PAH: variants seen among roughly 807,000 people sequenced by gnomAD.
PAH encodes the protein phenylalanine hydroxylase.
PAH carries 64 observed loss-of-function variants against 62.0 expected under a neutral mutation model. The observed-to-expected ratio is 1.03, with a 90% confidence interval of 0.84 to 1.27. The LOEUF (loss-of-function observed/expected upper bound fraction) is 1.27. PAH is among the 50% of genes most tolerant of loss of function. The pLI, the probability that PAH is intolerant of heterozygous loss-of-function variation, is 0.00. For missense variants in PAH, 579 were observed against 542.8 expected, an observed-to-expected ratio of 1.07 and a Z score of -0.66; for synonymous variants, 195 against 196.2, an observed-to-expected ratio of 0.99 and a Z score of 0.05.
At chr12:102,871,299 C>A (rs1368933140) in intron 4 of PAH, among the ~76,000 whole-genome samples, 1 of 152,194 alleles carries the variant, frequency 6.6e-6, no homozygotes, top group African/African-American at 2.4e-5. Flanking sequence ...CTCACTCTGG[C>A]CTTCCTATGA....
At position 102,837,385 on chromosome 12, in the gene PAH, A is replaced by C. The variant is rs1874406258; in HGVS notation, c.*1790T>G. On this transcript the variant is annotated 3_prime_UTR_variant, in exon 13 of 13. Coordinates refer to ENST00000553106, the MANE Select transcript of PAH (RefSeq NM_000277.3). ...CTAATATTTAAGTTCCAGAGTCAAT[A>C]ATTAACTTTTCATGTGAAATGAAGA... The C allele has an allele frequency of 6.6e-6, 1 of 152,236 alleles. No individual in the cohort carries two copies. The highest frequency in any genetic ancestry group is 2.4e-5 in the African/African-American group (1 of 41,456). The allele number at this position is 152,236 out of a possible 1,614,324, so 9.4% of individuals were successfully genotyped here. A position where few individuals can be genotyped will look rare whatever the true frequency, so the allele number is the denominator to read the frequency against.
chr12:102,870,322 T>C (rs1876251432), intron 4 of PAH, among the ~76,000 whole-genome samples: 2 of 152,222 alleles, frequency 1.3e-5, no homozygotes, highest in Admixed American at 1.3e-4. Flanking sequence ...TGTGTTGGAA[T>C]ACTAATTCAT....
intron 3 of PAH, among the ~76,000 whole-genome samples, chr12:102,893,894 C>G (rs1877383664): frequency 6.6e-6 from 1 of 152,130 alleles, no homozygotes; most frequent in South Asian, 2.1e-4. Flanking sequence ...GTGTGCTAAA[C>G]TCTGAGGATA....
chr12:102,923,888 C>G, intron 1 of PAH, among the ~76,000 whole-genome samples: 1 of 152,162 alleles, frequency 6.6e-6, no homozygotes, highest in African/African-American at 2.4e-5. Flanking sequence ...TTAAGAAAAA[C>G]ATACCTTTGT....
At position 102,877,353 on chromosome 12, in the gene PAH, T is replaced by C. The variant is rs1033710304; in HGVS notation, c.441+109A>G. The stretch of plus-strand genomic sequence containing the variant: ...TGTAAATAGGAACACAATAAGTGTT[T>C]GTTGAACAAGTGAACAAGTACATTG... On this transcript the variant is annotated intron_variant, in intron 4 of 12. Transcript: ENST00000553106. 1.2e-4 allele frequency: 108 copies of C among 865,930 alleles called. 3 individuals carry two copies. The South Asian group carries it at 1.3e-3, about 11-fold the overall frequency. The allele number at this position is 865,930 out of a possible 1,614,324, so 53.6% of individuals were successfully genotyped here. A position where few individuals can be genotyped will look rare whatever the true frequency, so the allele number is the denominator to read the frequency against.
intron 8 of PAH, 72 bp downstream of exon 8, chr12:102,851,615 C>T: frequency 7.8e-7 from 1 of 1,286,226 alleles, no homozygotes. Context: ...AGGACCCCTC[C>T]CTGGGCTCAA....
chr12:102,848,589 C>G lies in PAH; in HGVS notation c.913-1638G>C, dbSNP rs534096239. Reference sequence around the variant, plus strand: ...GAGAGGCTGAGTGTAGACAGGACATCAGGAGACTGGAGAGGTTGAGGGTAG... The same window carrying G: ...GAGAGGCTGAGTGTAGACAGGACATGAGGAGACTGGAGAGGTTGAGGGTAG... On this transcript the variant is annotated intron_variant, in intron 8 of 12. Coordinates refer to ENST00000553106, the MANE Select transcript of PAH (RefSeq NM_000277.3). Among the ~76,000 whole-genome samples the G allele has an allele frequency of 1.6e-4, 24 of 150,170 alleles. No individual in the cohort carries two copies. In the East Asian group the frequency reaches 4.2e-3, roughly 26 times the overall value.
At chr12:102,955,129 A>G (rs1012184725), upstream of PAH, among the ~76,000 whole-genome samples, 5 of 152,180 alleles carry the variant, frequency 3.3e-5, no homozygotes, top group Non-Finnish European at 7.3e-5. Context: ...TAAGGCCACT[A>G]CAAGACAAGG....
chr12:102,907,434 C>T (rs1240137803), intron 2 of PAH, among the ~76,000 whole-genome samples: 1 of 152,148 alleles, frequency 6.6e-6, no homozygotes, highest in Non-Finnish European at 1.5e-5. Context: ...GCAAATTACT[C>T]AACCGCTCTG....
At chr12:102,897,754 T>C (rs1005486521) in intron 2 of PAH, among the ~76,000 whole-genome samples, 3 of 152,204 alleles carry the variant, frequency 2.0e-5, no homozygotes, top group Admixed American at 6.5e-5. Context: ...TGGATTACTA[T>C]GGCATCTGCT....
intron 6 of PAH, 138 bp from the exon 7 acceptor site, chr12:102,853,088 T>G (rs949749546): frequency 1.0e-5 from 9 of 893,932 alleles, no homozygotes; most frequent in Non-Finnish European, 1.8e-6. Context: ...TGGCTTCAGA[T>G]GTCTGCCTCG....
At position 102,908,353 on chromosome 12, in the gene PAH, A is replaced by G. The variant is rs148004538; in HGVS notation, c.168+4438T>C. 2.5e-3 allele frequency among the ~76,000 whole-genome samples: 388 copies of G among 152,310 alleles called. 2 individuals carry two copies. Among genetic ancestry groups the G allele is most frequent in the African/African-American group, 8.6e-3 (358 of 41,578 alleles). On this transcript the variant is annotated intron_variant, in intron 2 of 12. Transcript: ENST00000553106. ...CTGTTCATTTACTATTATTTAATCTATTAACTCTGACTTAGGCCTAAGGGG... is the reference window on the plus strand; with the variant it reads ...CTGTTCATTTACTATTATTTAATCTGTTAACTCTGACTTAGGCCTAAGGGG...
chr12:102,869,363 A>T (rs1013083035), intron 4 of PAH, among the ~76,000 whole-genome samples: 1 of 152,200 alleles, frequency 6.6e-6, no homozygotes, highest in Non-Finnish European at 1.5e-5. Flanking sequence ...AAATAAAATG[A>T]TTAAAGAAAT....
At chr12:102,935,173 A>T (rs1879054675) in intron 1 of PAH, among the ~76,000 whole-genome samples, 1 of 152,058 alleles carries the variant, frequency 6.6e-6, no homozygotes, top group African/African-American at 2.4e-5. Flanking sequence ...TTTGTCCTTC[A>T]TTCTGTTGAT....
chr12:102,934,846 C>A (rs1356262425), intron 1 of PAH, among the ~76,000 whole-genome samples: 1 of 152,100 alleles, frequency 6.6e-6, no homozygotes, highest in African/African-American at 2.4e-5. Context: ...AATATAAGAT[C>A]ATGTCATCTA....
intron 1 of PAH, among the ~76,000 whole-genome samples, chr12:102,940,526 A>G (rs533290431): frequency 4.3e-4 from 66 of 152,372 alleles, no homozygotes; most frequent in African/African-American, 1.2e-3. Flanking sequence ...CAAGAATTTC[A>G]TAACACAATA....
At chr12:102,931,323 A>G (rs1023674157) in intron 1 of PAH, among the ~76,000 whole-genome samples, 1 of 152,160 alleles carries the variant, frequency 6.6e-6, no homozygotes, top group Non-Finnish European at 1.5e-5. Context: ...CTGCTCCCCC[A>G]CAACTTAAAG....
chr12:102,845,904 A>G (rs993129047), intron 9 of PAH, among the ~76,000 whole-genome samples: 3 of 152,198 alleles, frequency 2.0e-5, no homozygotes, highest in African/African-American at 4.8e-5. Context: ...AGTCATTTTA[A>G]TATTGTTATG....
chr12:102,909,087 CA>C (rs1878101150), intron 2 of PAH, among the ~76,000 whole-genome samples: 1 of 152,176 alleles, frequency 6.6e-6, no homozygotes, highest in Admixed American at 6.5e-5. Flanking sequence ...CTCAGCCTCT[CA>C]AAGTGCTGGG....
Sources: allele counts gnomAD v4.1 joint callset (sites outside exome capture counted in the v4.1 genomes callset), GRCh38; gene constraint gnomAD v4.1.1; transcripts MANE v1.5; gene names NCBI Gene and HGNC (gene_info 2026-07-23, HGNC 2026-07-21).